The following PBX1 variants were observed in gnomAD, a reference collection of about 807,000 sequenced individuals.
The protein encoded by PBX1 is PBX homeobox 1.
A neutral mutation model predicts 53.4 loss-of-function variants in PBX1; 6 were observed. That is an observed-to-expected ratio of 0.11 (90% CI 0.06 to 0.22). The LOEUF (loss-of-function observed/expected upper bound fraction) is 0.22, where lower values mean the gene tolerates loss of function less well. Ranked by LOEUF, PBX1 falls within the 10% of genes least tolerant of loss-of-function variation. The pLI is 1.00. For synonymous variants in PBX1, 204 were observed against 212.3 expected (o/e 0.96, Z 0.34); for missense variants, 251 against 551.4 (o/e 0.46, Z 5.46).
At chr1:164,694,085 T>C (rs530094827) in intron 2 of PBX1, among the ~76,000 whole-genome samples, 38 of 142,382 alleles carry the variant, frequency 2.7e-4, no homozygotes, top group African/African-American at 9.5e-4. Flanking sequence ...AATTAACTTC[T>C]AGAGTGCTTT....
Position 164,848,680 on chromosome 1 carries a change from C to G in PBX1, c.*2004C>G. 1 of 1,055,664 alleles carries G rather than the reference C, an allele frequency of 9.5e-7. No homozygotes were observed. The allele number at this position is 1,055,664 out of a possible 1,614,324, so 65.4% of individuals were successfully genotyped here. ...TGGTTCCCTTAGTTTGCACTTGAAC[C>G]CAATATGTTGCCTTGTACATACTTG... On this transcript the variant is annotated 3_prime_UTR_variant, in exon 9 of 9. Transcript: ENST00000420696.
At chr1:164,772,318 T>A (rs1667414496) in intron 2 of PBX1, among the ~76,000 whole-genome samples, 1 of 152,184 alleles carries the variant, frequency 6.6e-6, no homozygotes, top group Admixed American at 6.5e-5. Flanking sequence ...TCAGGCATTT[T>A]AAATCCTAGC....
At chr1:164,745,652 A>C (rs1389378863) in intron 2 of PBX1, among the ~76,000 whole-genome samples, 3 of 152,216 alleles carry the variant, frequency 2.0e-5, no homozygotes, top group Non-Finnish European at 2.9e-5. Context: ...AACCTAGTCA[A>C]CCAGCTACAG....
intron 2 of PBX1, among the ~76,000 whole-genome samples, chr1:164,606,455 C>T (rs113860809): frequency 0.069 from 10,473 of 152,160 alleles, 466 homozygotes; most frequent in Middle Eastern, 0.099. Flanking sequence ...ATTGTTTGAA[C>T]CTGGGAGGCG....
intron 2 of PBX1, chr1:164,590,223 A>T: frequency 2.6e-6 from 1 of 386,786 alleles, no homozygotes; most frequent in South Asian, 1.9e-5. Context: ...AAAAAAAAAA[A>T]AGCTGGGGGT....
chr1:164,855,938 C>T (rs751720326), downstream of PBX1, among the ~76,000 whole-genome samples: 18 of 152,170 alleles, frequency 1.2e-4, no homozygotes, highest in Admixed American at 2.0e-4. Flanking sequence ...TTGAGGCTCC[C>T]GCCTCCCCCT....
At chr1:164,690,871 A>T (rs975823121) in intron 2 of PBX1, among the ~76,000 whole-genome samples, 5 of 152,094 alleles carry the variant, frequency 3.3e-5, no homozygotes, top group African/African-American at 4.8e-5. Flanking sequence ...GATGCGGTGG[A>T]GATTCGGAGA....
At chr1:164,684,690 C>T (rs1661996470) in intron 2 of PBX1, 1 of 152,170 alleles carries the variant, frequency 6.6e-6, no homozygotes, top group Non-Finnish European at 1.5e-5. Flanking sequence ...TCACCCTCTG[C>T]TTTCAGAAAT....
At chr1:164,587,026 C>T (rs956029708) in intron 2 of PBX1, among the ~76,000 whole-genome samples, 3 of 152,214 alleles carry the variant, frequency 2.0e-5, no homozygotes, top group Admixed American at 1.3e-4. Flanking sequence ...TCATGCATAA[C>T]GAGGTATACC....
At chr1:164,797,881 TCCCACA>T (rs1276890572) in intron 3 of PBX1, among the ~76,000 whole-genome samples, 1 of 152,206 alleles carries the variant, frequency 6.6e-6, no homozygotes, top group Non-Finnish European at 1.5e-5. Flanking sequence ...ACTTTGAAGA[TCCCACA>T]GCCAAGTGAG....
rs142497964 is a variant in PBX1, at chr1:164,561,886, G to T, written c.192-1352G>T. 6.5e-4 allele frequency among the ~76,000 whole-genome samples: 99 copies of T among 151,618 alleles called. 1 individual carries two copies. The highest frequency in any genetic ancestry group is 3.4e-3 in the Middle Eastern group (1 of 290). On this transcript the variant is annotated intron_variant, in intron 1 of 8. Transcript: ENST00000420696. ...GCATTTGGGCCTATATATAATAATAGAATTAATTAAAACTATTTTAAAAGA... is the reference window on the plus strand; with the variant it reads ...GCATTTGGGCCTATATATAATAATATAATTAATTAAAACTATTTTAAAAGA...
chr1:164,569,520 A>C (rs541474456), intron 2 of PBX1, among the ~76,000 whole-genome samples: 3 of 151,688 alleles, frequency 2.0e-5, no homozygotes, highest in Non-Finnish European at 4.4e-5. Flanking sequence ...CTGAAAAGAG[A>C]CAAAAATTGC....
intron 2 of PBX1, among the ~76,000 whole-genome samples, chr1:164,688,079 G>T (rs1662234935): frequency 6.6e-6 from 1 of 152,104 alleles, no homozygotes; most frequent in Non-Finnish European, 1.5e-5. Context: ...TTGCCCGGGG[G>T]ACACCTGCCT....
At chr1:164,865,495 T>G (rs1241955136) in intron 2 of PBX1, among the ~76,000 whole-genome samples, 1 of 152,200 alleles carries the variant, frequency 6.6e-6, no homozygotes, top group African/African-American at 2.4e-5. Context: ...GCAGGAAAAG[T>G]TACGTCTTCA....
At chr1:164,570,703 A>T (rs1653785060) in intron 2 of PBX1, among the ~76,000 whole-genome samples, 1 of 152,194 alleles carries the variant, frequency 6.6e-6, no homozygotes, top group Admixed American at 6.5e-5. Context: ...AATGATTTAT[A>T]ATCCTTTGTG....
At chr1:164,720,328 A>C (rs765419612) in intron 2 of PBX1, among the ~76,000 whole-genome samples, 9 of 152,122 alleles carry the variant, frequency 5.9e-5, no homozygotes, top group Non-Finnish European at 1.2e-4. Flanking sequence ...AAACTTCACC[A>C]TGTCTGGATT....
At chr1:164,684,839 A>G (rs947906733) in intron 2 of PBX1, 5 of 152,214 alleles carry the variant, frequency 3.3e-5, no homozygotes, top group Non-Finnish European at 7.3e-5. Flanking sequence ...TATTTACAGA[A>G]TATAATCCTA....
At chr1:164,865,828 A>C (rs182243048) in intron 2 of PBX1, among the ~76,000 whole-genome samples, 332 of 152,324 alleles carry the variant, frequency 2.2e-3, no homozygotes, top group Non-Finnish European at 3.4e-3. Context: ...AATGACAGAA[A>C]GAATTCTTGC....
chr1:164,717,939 A>G (rs1036255466), intron 2 of PBX1, among the ~76,000 whole-genome samples: 4 of 152,252 alleles, frequency 2.6e-5, no homozygotes, highest in African/African-American at 9.6e-5. Flanking sequence ...GCAATCTTTT[A>G]TTAAGCATGT....
Sources: allele counts gnomAD v4.1 joint callset (sites outside exome capture counted in the v4.1 genomes callset), GRCh38; gene constraint gnomAD v4.1.1; transcripts MANE v1.5; gene names NCBI Gene and HGNC (gene_info 2026-07-23, HGNC 2026-07-21).